C1orf21: variants seen among roughly 807,000 people sequenced by gnomAD.
C1orf21 encodes the protein chromosome 1 open reading frame 21.
Under a neutral mutation model 18.7 loss-of-function variants are expected in C1orf21, and 3 were observed. That is an observed-to-expected ratio of 0.16 (90% CI 0.07 to 0.42). C1orf21 has a LOEUF of 0.42. C1orf21 is among the 10% of genes least tolerant of loss of function. C1orf21 has a pLI of 0.99. For synonymous variants in C1orf21, 41 were observed against 46.4 expected, an observed-to-expected ratio of 0.88 and a Z score of 0.47; for missense variants, 104 against 143.6, an observed-to-expected ratio of 0.72 and a Z score of 1.41.
chr1:184,601,976 G>T (rs1659591052), intron 5 of C1orf21, among the ~76,000 whole-genome samples: 1 of 151,956 alleles, frequency 6.6e-6, no homozygotes, highest in Admixed American at 6.6e-5. Flanking sequence ...TAGTTACTGA[G>T]GATACAAAAT....
chr1:184,401,525 C>T (rs977424060), intron 1 of C1orf21, among the ~76,000 whole-genome samples: 4 of 152,120 alleles, frequency 2.6e-5, no homozygotes, highest in African/African-American at 9.7e-5. Context: ...CGGCGCCCAG[C>T]CCCCTTTATT....
chr1:184,577,491 T>C (rs1051779926), intron 3 of C1orf21, among the ~76,000 whole-genome samples: 14 of 152,082 alleles, frequency 9.2e-5, no homozygotes, highest in Non-Finnish European at 5.9e-5. Flanking sequence ...GAAAATAATA[T>C]AGCAGATTTT....
At chr1:184,596,447 A>G (rs1659513688) in intron 4 of C1orf21, among the ~76,000 whole-genome samples, 1 of 152,192 alleles carries the variant, frequency 6.6e-6, no homozygotes, top group Non-Finnish European at 1.5e-5. Context: ...ACCTCCAACC[A>G]GAGAGTTTCC....
intron 5 of C1orf21, among the ~76,000 whole-genome samples, chr1:184,605,561 A>G (rs1659636751): frequency 6.6e-6 from 1 of 152,158 alleles, no homozygotes; most frequent in Non-Finnish European, 1.5e-5. Context: ...GCAGCGTAGC[A>G]GGTATAGAGC....
chr1:184,402,464 AT>A (rs1348092184), intron 1 of C1orf21, among the ~76,000 whole-genome samples: 1 of 152,014 alleles, frequency 6.6e-6, no homozygotes, highest in Non-Finnish European at 1.5e-5. Flanking sequence ...CTTCAGAAAA[AT>A]TTTATAAACT....
rs192050417 is a variant in C1orf21, at chr1:184,557,851, A to T, written c.190-32888A>T. On this transcript the variant is annotated intron_variant, in intron 3 of 5. Transcript: ENST00000235307. ...CCACCAACAACTCGTTGGCAGTACA[A>T]CCAGATAATGTAGCTGATGGAGCCA... Among the ~76,000 whole-genome samples, 11 of 152,272 alleles carry T rather than the reference A, an allele frequency of 7.2e-5. No individual in the cohort carries two copies. In the East Asian group the frequency reaches 2.1e-3, roughly 29 times the overall value.
intron 5 of C1orf21, among the ~76,000 whole-genome samples, chr1:184,614,954 T>C (rs1346679358): frequency 1.3e-5 from 2 of 152,196 alleles, no homozygotes; most frequent in Non-Finnish European, 2.9e-5. Flanking sequence ...GTCCATGGCT[T>C]GGGGACTAGG....
Position 184,551,733 on chromosome 1 carries a change from G to A in C1orf21, c.190-39006G>A, listed in dbSNP as rs115463984. On this transcript the variant is annotated intron_variant, in intron 3 of 5. Transcript: ENST00000235307. ...GAAAGGGGCTTTGGGGGTCCAGGGT[G>A]CAGTGGCTCATGCCTATAATCCCAG... 9.6e-3 allele frequency among the ~76,000 whole-genome samples: 1,461 copies of A among 152,286 alleles called. 25 individuals are homozygous for A. Among genetic ancestry groups the A allele is most frequent in the African/African-American group, 0.033 (1,356 of 41,558 alleles).
intron 1 of C1orf21, among the ~76,000 whole-genome samples, chr1:184,411,225 T>C (rs1557965362): frequency 6.6e-6 from 1 of 152,114 alleles, no homozygotes; most frequent in Non-Finnish European, 1.5e-5. Context: ...AGAGGGCTCT[T>C]CTGCAAGCCC....
chr1:184,429,978 G>C (rs1195208641), intron 1 of C1orf21, among the ~76,000 whole-genome samples: 7 of 152,008 alleles, frequency 4.6e-5, no homozygotes, highest in South Asian at 4.2e-4. Context: ...CGGGTGAAGT[G>C]GTGGGTGCCT....
At chr1:184,406,194 A>T (rs1028940353) in intron 1 of C1orf21, among the ~76,000 whole-genome samples, 2 of 152,224 alleles carry the variant, frequency 1.3e-5, no homozygotes, top group African/African-American at 2.4e-5. Flanking sequence ...TGAACTCAAT[A>T]GAATAAAATA....
chr1:184,507,026 A>T (rs935912418), intron 2 of C1orf21, among the ~76,000 whole-genome samples: 4 of 151,024 alleles, frequency 2.6e-5, no homozygotes, highest in African/African-American at 9.7e-5. Flanking sequence ...TATTAATGTG[A>T]AATAATTGCA....
At chr1:184,570,585 A>G (rs1569843) in intron 3 of C1orf21, among the ~76,000 whole-genome samples, 89,663 of 152,086 alleles carry the variant, frequency 0.59, 29,048 homozygotes, top group African/African-American at 0.88. Context: ...TTTAACATCA[A>G]GTCATCAATT....
At chr1:184,414,169 T>C (rs1470010660) in intron 1 of C1orf21, among the ~76,000 whole-genome samples, 1 of 152,174 alleles carries the variant, frequency 6.6e-6, no homozygotes, top group Non-Finnish European at 1.5e-5. Context: ...AGGATCTCTA[T>C]TGCTCAGGCT....
intron 3 of C1orf21, among the ~76,000 whole-genome samples, chr1:184,572,944 CCTT>C (rs1311458134): frequency 8.9e-6 from 1 of 112,906 alleles, no homozygotes; most frequent in Non-Finnish European, 1.7e-5. Context: ...GAGCGAGACT[CCTT>C]CTCAAAAAAA....
At chr1:184,405,971 C>T (rs938288970) in intron 1 of C1orf21, among the ~76,000 whole-genome samples, 1 of 152,160 alleles carries the variant, frequency 6.6e-6, no homozygotes, top group Admixed American at 6.5e-5. Context: ...TATAGTGATA[C>T]TAAAACCCTC....
rs144823873 is a variant in C1orf21 at position 184,523,312 on chromosome 1, C to A, written c.189+15630C>A. ...GATAAGTCATGTTAATAGCATGTATCCTTGATGTGCTGTGATGAGAATGGC... is the reference window on the plus strand; with the variant it reads ...GATAAGTCATGTTAATAGCATGTATACTTGATGTGCTGTGATGAGAATGGC... On this transcript the variant is annotated intron_variant, in intron 3 of 5. Coordinates refer to ENST00000235307, the MANE Select transcript of C1orf21 (RefSeq NM_030806.4). Among the ~76,000 whole-genome samples, 8 of 152,106 alleles carry A rather than the reference C, an allele frequency of 5.3e-5. No homozygotes were observed. In the East Asian group the frequency reaches 1.4e-3, roughly 26 times the overall value.
At chr1:184,400,396 G>A (rs941289993) in intron 1 of C1orf21, among the ~76,000 whole-genome samples, 1 of 152,044 alleles carries the variant, frequency 6.6e-6, no homozygotes, top group African/African-American at 2.4e-5. Context: ...ATATATATGT[G>A]TGTGTGTTTG....
intron 5 of C1orf21, among the ~76,000 whole-genome samples, chr1:184,615,155 C>T (rs1173350767): frequency 6.6e-6 from 1 of 152,178 alleles, no homozygotes; most frequent in African/African-American, 2.4e-5. Context: ...AACAAAAACC[C>T]CTTACACTAG....
Sources: gnomAD v4.1 joint callset for allele counts (sites outside exome capture counted in the v4.1 genomes callset) on GRCh38, gnomAD v4.1.1 for gene constraint, MANE v1.5 for transcripts, NCBI Gene and HGNC (gene_info 2026-07-23, HGNC 2026-07-21) for gene names.